The following PUS1 variants were observed in gnomAD, a reference collection of about 807,000 sequenced individuals.
The protein encoded by PUS1 is pseudouridylate synthase 1 homolog.
PUS1 carries 25 observed loss-of-function variants against 38.5 expected under a neutral mutation model. That is an observed-to-expected ratio of 0.65 (90% CI 0.47 to 0.91). PUS1 has a LOEUF of 0.91. Ranked by LOEUF, PUS1 falls within the 40% of genes least tolerant of loss-of-function variation. The pLI is 0.00. For missense variants in PUS1, 597 were observed against 612.3 expected, an observed-to-expected ratio of 0.97 and a Z score of 0.26; for synonymous variants, 282 against 260.4, an observed-to-expected ratio of 1.08 and a Z score of -0.80.
Position 131,929,446 on chromosome 12 carries a change from G to C in PUS1, c.-277G>C. ...GGGGACGTTGGAGTTGATCCGTCAG[G>C]GTCCCGGGGCGGTCTGGGGGCAGTA... On this transcript the variant is annotated 5_prime_UTR_variant, in exon 1 of 6. Transcript: ENST00000376649. 2.4e-6 allele frequency: 1 copy of C among 413,822 alleles called. No homozygotes were observed. Among genetic ancestry groups the C allele is most frequent in the Non-Finnish European group, 4.3e-6 (1 of 234,000 alleles). 25.6% of individuals were successfully genotyped at this position (413,822 alleles called of 1,614,324 possible). A position where few individuals can be genotyped will look rare whatever the true frequency, so the allele number is the denominator to read the frequency against.
chr12:131,938,026 C>G (rs1890905379), intron 3 of PUS1, among the ~76,000 whole-genome samples: 1 of 152,124 alleles, frequency 6.6e-6, no homozygotes, highest in East Asian at 1.9e-4. Context: ...TTTCTGTTTT[C>G]TTTTTCTTTT....
chr12:131,933,612 G>C (rs1360114436), intron 3 of PUS1, among the ~76,000 whole-genome samples: 4 of 152,182 alleles, frequency 2.6e-5, no homozygotes, highest in Non-Finnish European at 4.4e-5. Flanking sequence ...CTGCTGGCCT[G>C]TGTGGAAGCA....
intron 3 of PUS1, among the ~76,000 whole-genome samples, chr12:131,937,913 T>A (rs1890900375): frequency 1.3e-5 from 2 of 152,110 alleles, no homozygotes; most frequent in Admixed American, 1.3e-4. Context: ...CCCTGAAACA[T>A]CTTAGCATGA....
intron 5 of PUS1, among the ~76,000 whole-genome samples, chr12:131,943,266 C>T (rs1387230738): frequency 3.3e-5 from 5 of 152,228 alleles, no homozygotes; most frequent in African/African-American, 1.2e-4. Flanking sequence ...TTCCAAATGG[C>T]CCCATTTTAT....
Position 131,942,620 on chromosome 12 carries a change from A to G in PUS1, c.1236+637A>G, listed in dbSNP as rs577949639. Among the ~76,000 whole-genome samples, 40 of 152,140 alleles carry G rather than the reference A, an allele frequency of 2.6e-4. 1 individual carries two copies. In the South Asian group the frequency reaches 8.1e-3, roughly 31 times the overall value. On this transcript the variant is annotated intron_variant, in intron 5 of 5. Coordinates refer to ENST00000376649, the MANE Select transcript of PUS1 (RefSeq NM_025215.6). ...ATGGGGTTTCACCATGTTAGCCAGG[A>G]TGGTCTTGATCTCCTGACCTTGTGA...
intron 3 of PUS1, among the ~76,000 whole-genome samples, chr12:131,937,285 T>C (rs1376958912): frequency 6.6e-6 from 1 of 152,186 alleles, no homozygotes; most frequent in Non-Finnish European, 1.5e-5. Context: ...CTTATGTGGG[T>C]GCCATGAGCA....
chr12:131,931,268 T>C (rs1265216358), intron 2 of PUS1, among the ~76,000 whole-genome samples: 1 of 151,920 alleles, frequency 6.6e-6, no homozygotes, highest in Admixed American at 6.6e-5. Flanking sequence ...CACCGATTCT[T>C]GTGCCTCAGC....
At chr12:131,942,096 C>G (rs1392507207) in intron 5 of PUS1, 113 bp downstream of exon 5, 1 of 989,198 alleles carries the variant, frequency 1.0e-6, no homozygotes. Context: ...CAAGGCCACA[C>G]AGCTGCTGCA....
intron 3 of PUS1, 148 bp downstream of exon 3, chr12:131,932,460 TC>T: frequency 1.1e-6 from 1 of 913,790 alleles, no homozygotes; most frequent in Non-Finnish European, 1.7e-6. Context: ...AGGTGAGACG[TC>T]CAGGAGCCTG....
rs117404516 is a variant in PUS1, at chr12:131,933,297, C to G, written c.441+985C>G. The stretch of plus-strand genomic sequence containing the variant: ...CTTCCCACCTTGGCGTCCCAAAGTA[C>G]TGGGATTTACAGGCATGAACCGCCA... On this transcript the variant is annotated intron_variant, in intron 3 of 5. Coordinates refer to ENST00000376649, the MANE Select transcript of PUS1 (RefSeq NM_025215.6). Among the ~76,000 whole-genome samples, 1,032 of 151,290 alleles carry G rather than the reference C, an allele frequency of 6.8e-3. 31 individuals carry two copies. In the South Asian group the frequency reaches 0.091, roughly 13 times the overall value.
rs988865489 is a variant in PUS1 at position 131,943,877 on chromosome 12, T to C, written c.*291T>C. ...TTAGTCAATCCTTGGTTTGCCTTTTTCTTAGTCTTTTTTAACATTTTTTTC... is the reference window on the plus strand; with the variant it reads ...TTAGTCAATCCTTGGTTTGCCTTTTCCTTAGTCTTTTTTAACATTTTTTTC... On this transcript the variant is annotated 3_prime_UTR_variant, in exon 6 of 6. Transcript: ENST00000376649. The C allele has an allele frequency of 2.4e-6, 1 of 411,494 alleles. No homozygotes were observed. The highest frequency in any genetic ancestry group is 4.6e-6 in the Non-Finnish European group (1 of 218,244). The allele number at this position is 411,494 out of a possible 1,614,324, so 25.5% of individuals were successfully genotyped here.
chr12:131,942,913 G>T (rs1188806360), intron 5 of PUS1, among the ~76,000 whole-genome samples: 1 of 152,236 alleles, frequency 6.6e-6, no homozygotes, highest in East Asian at 1.9e-4. Context: ...TCCTATAGAT[G>T]GGGCGATGAG....
In PUS1 at chr12:131,929,910, G is replaced by A. The variant is rs1048648924; in HGVS notation, c.78G>A (p.Ser26=). 4.1e-6 allele frequency: 6 copies of A among 1,455,190 alleles called. No individual in the cohort carries two copies. The highest frequency in any genetic ancestry group is 5.4e-6 in the Non-Finnish European group (6 of 1,108,480). The allele number at this position is 1,455,190 out of a possible 1,614,324, so 90.1% of individuals were successfully genotyped here. A position where few individuals can be genotyped will look rare whatever the true frequency, so the allele number is the denominator to read the frequency against. ...CTCACGCCGCCCTTCTCCGCAGCTC[G>A]CCGCGCATGGCCGGGAACGCGGAGC... ...TLRLGPRPSC[S]PRMAGNAEPP... Residue 26 remains serine (S), a synonymous_variant, in exon 2 of 6, where the codon TCG becomes TCA. Transcript: ENST00000376649.
At chr12:131,929,829 G>GGCCCCCCC in intron 1 of PUS1, 33 bp downstream of exon 1, 22 of 1,479,376 alleles carry the variant, frequency 1.5e-5, no homozygotes, top group Non-Finnish European at 1.7e-5. Flanking sequence ...ACCCCGCTAT[G>GGCCCCCCC]CCCGCCCAGC....
intron 5 of PUS1, among the ~76,000 whole-genome samples, chr12:131,942,895 G>A (rs1891151925): frequency 1.3e-5 from 2 of 152,232 alleles, no homozygotes; most frequent in Non-Finnish European, 2.9e-5. Context: ...CAGGCACCTG[G>A]CGAGCCGTCC....
intron 3 of PUS1, 89 bp from the exon 4 acceptor site, chr12:131,939,084 G>T (rs937578656): frequency 2.4e-6 from 2 of 843,894 alleles, no homozygotes; most frequent in Admixed American, 2.0e-5. Context: ...GTGAAATGAC[G>T]TAAGGTCCGC....
Position 131,929,855 on chromosome 12 carries a change from C to T in PUS1, c.75-52C>T, listed in dbSNP as rs1861351931. 5.7e-6 allele frequency: 7 copies of T among 1,225,276 alleles called. No homozygotes were observed. The Admixed American group carries it at 9.8e-5, about 17-fold the overall frequency. The allele number at this position is 1,225,276 out of a possible 1,614,324, so 75.9% of individuals were successfully genotyped here. ...CCCGCCCAGCCCAGCCCACCCCAGT[C>T]CACCCCGCGCGGTGCCGAGCGGGCC... is the stretch of plus-strand genomic sequence containing the variant. On this transcript the variant is annotated intron_variant, in intron 1 of 5. Transcript: ENST00000376649.
chr12:131,933,391 C>A (rs936007462), intron 3 of PUS1, among the ~76,000 whole-genome samples: 1 of 152,040 alleles, frequency 6.6e-6, no homozygotes, highest in Non-Finnish European at 1.5e-5. Flanking sequence ...ATCCTCATTT[C>A]GGCGTGTAAT....
In PUS1 at chr12:131,941,321, T is replaced by C; in HGVS notation, c.574T>C (p.Ser192Pro). Residue 192 changes from serine to proline, a missense_variant, in exon 5 of 6, where the codon TCC (serine) becomes CCC (proline). Physicochemically the swap from Ser to Pro is moderately conservative, Grantham distance 74. Transcript: ENST00000376649. This position sits in a 1 kb window ranked among gnomAD's most constrained non-coding sequence, Gnocchi z 4.4. ...GAAGCGGGTCACGGGCGGGTTTAAC[T>C]CCAAGAACAGATGTGATGCCAGGAC... is the stretch of plus-strand genomic sequence containing the variant. Reference protein sequence around the residue: ...GLKRVTGGFNSKNRCDARTYC... With the variant: ...GLKRVTGGFNPKNRCDARTYC... 6.2e-7 allele frequency: 1 copy of C among 1,614,116 alleles called. No individual in the cohort carries two copies. Among genetic ancestry groups the C allele is most frequent in the Non-Finnish European group, 8.5e-7 (1 of 1,180,020 alleles).
Sources: allele counts gnomAD v4.1 joint callset (sites outside exome capture counted in the v4.1 genomes callset), GRCh38; gene constraint gnomAD v4.1.1; non-coding constraint Gnocchi (gnomAD v3.1); transcripts MANE v1.5; gene names NCBI Gene and HGNC (gene_info 2026-07-23, HGNC 2026-07-21).